Variants in PAK2 observed in about 807,000 individuals in gnomAD.
The protein encoded by PAK2 is serine/threonine-protein kinase PAK 2.
Under a neutral mutation model 65.9 loss-of-function variants are expected in PAK2, and 21 were observed. The ratio of observed to expected loss-of-function variants is 0.32; its 90% CI spans 0.23 to 0.46. The LOEUF (loss-of-function observed/expected upper bound fraction) is 0.46. Ranked by LOEUF, PAK2 falls within the 20% of genes least tolerant of loss-of-function variation. The pLI, the probability that PAK2 is intolerant of heterozygous loss-of-function variation, is 1.00. For synonymous variants in PAK2, 204 were observed against 219.7 expected, an observed-to-expected ratio of 0.93 and a Z score of 0.63; for missense variants, 324 against 642.6, an observed-to-expected ratio of 0.50 and a Z score of 5.36.
intron 4 of PAK2, among the ~76,000 whole-genome samples, chr3:196,804,597 A>G (rs1056826917): frequency 7.9e-5 from 12 of 151,922 alleles, no homozygotes; most frequent in African/African-American, 2.4e-4. Context: ...CCTCCTGAGT[A>G]GCTGAGATTA....
chr3:196,814,543 C>A lies in PAK2; in HGVS notation c.1028C>A (p.Ala343Glu). 4 of 1,461,866 alleles carry A rather than the reference C, an allele frequency of 2.7e-6. No homozygotes were observed. Among genetic ancestry groups the A allele is most frequent in the Non-Finnish European group, 2.9e-6 (3 of 1,044,874 alleles). The allele number at this position is 1,461,866 out of a possible 1,614,324, so 90.6% of individuals were successfully genotyped here. A position where few individuals can be genotyped will look rare whatever the true frequency, so the allele number is the denominator to read the frequency against. The stretch of plus-strand genomic sequence containing the variant: ...GTAACAGAAACGTGCATGGATGAAG[C>A]ACAGATTGCTGCTGTATGCAGAGAG... The part of the protein sequence containing the change: ...DVVTETCMDE[A>E]QIAAVCRECL... The change falls in exon 11 of 15, where the codon GCA becomes GAA. Residue 343 changes from alanine (A) to glutamate (E), a missense_variant. Coordinates refer to ENST00000327134, the MANE Select transcript of PAK2 (RefSeq NM_002577.4).
chr3:196,762,777 G>A lies in PAK2; in HGVS notation c.-21-19849G>A, dbSNP rs1366340351. ...GCCATTGCACTCCAGCCTGGGCAAC[G>A]AGAGTGAAACTCCGTCTCAAAAAAA... is the stretch of plus-strand genomic sequence containing the variant. On this transcript the variant is annotated intron_variant, in intron 1 of 14. Transcript: ENST00000327134. 5.4e-5 allele frequency among the ~76,000 whole-genome samples: 8 copies of A among 146,990 alleles called. No individual in the cohort carries two copies. In the South Asian group the frequency reaches 1.3e-3, roughly 24 times the overall value.
chr3:196,826,058 C>T (rs1233968734), intron 13 of PAK2, among the ~76,000 whole-genome samples: 1 of 151,618 alleles, frequency 6.6e-6, no homozygotes, highest in African/African-American at 2.4e-5. Flanking sequence ...TGCCATGTTG[C>T]CCAGCCTGGT....
rs1165930308 is a variant in PAK2 at position 196,745,806 on chromosome 3, T to A, written c.-22+5649T>A. Among the ~76,000 whole-genome samples the A allele has an allele frequency of 6.5e-5, 9 of 138,480 alleles. No homozygotes were observed. The Admixed American group carries it at 6.7e-4, about 10-fold the overall frequency. The allele number at this position is 138,480 out of a possible 152,430, so 90.8% of individuals were successfully genotyped here. ...TCCAGCCTGGGCAACAGAACGAGAC[T>A]CCATCTCTAAGTAAAAAAAAAAAAA... On this transcript the variant is annotated intron_variant, in intron 1 of 14. Transcript: ENST00000327134.
chr3:196,751,693 A>ATATATATATATATATATATATG (rs1713600141), intron 1 of PAK2, among the ~76,000 whole-genome samples: 1 of 48,826 alleles, frequency 2.0e-5, no homozygotes, highest in African/African-American at 1.1e-4. Context: ...ATATATATAT[A>ATATATATATATATATATATATG]TAATTCAGGC....
intron 13 of PAK2, among the ~76,000 whole-genome samples, chr3:196,826,876 G>A (rs1344865982): frequency 1.3e-5 from 2 of 151,874 alleles, no homozygotes; most frequent in African/African-American, 4.8e-5. Context: ...AGCCAAGATT[G>A]CACCACTGCA....
chr3:196,769,817 A>G (rs9826721), intron 1 of PAK2, among the ~76,000 whole-genome samples: 10 of 48,182 alleles, frequency 2.1e-4, no homozygotes, highest in Non-Finnish European at 3.5e-4. Flanking sequence ...ACTCTGTCTC[A>G]AAAAAGAAAA....
In PAK2 at chr3:196,767,543, C is replaced by T. The variant is rs531470135; in HGVS notation, c.-21-15083C>T. On this transcript the variant is annotated intron_variant, in intron 1 of 14. Coordinates refer to ENST00000327134, the MANE Select transcript of PAK2 (RefSeq NM_002577.4). ...TTGCTCTGTCACCCAGGCTGGAGTG[C>T]AGTGGCATGATCTTGGCTCACTGCA... Among the ~76,000 whole-genome samples, 45 of 152,184 alleles carry T rather than the reference C, an allele frequency of 3.0e-4. 1 individual carries two copies. In the South Asian group the frequency reaches 8.9e-3, roughly 30 times the overall value.
intron 2 of PAK2, among the ~76,000 whole-genome samples, chr3:196,789,816 T>A (rs919517905): frequency 6.6e-6 from 1 of 152,208 alleles, no homozygotes; most frequent in African/African-American, 2.4e-5. Flanking sequence ...GGTATGAAAC[T>A]CTTCCACCTC....
intron 1 of PAK2, among the ~76,000 whole-genome samples, chr3:196,747,652 TAC>T (rs1713435359): frequency 1.3e-5 from 2 of 152,330 alleles, no homozygotes; most frequent in African/African-American, 4.8e-5. Context: ...GTTGGTAATA[TAC>T]AGAGTTTTAT....
At chr3:196,778,586 C>A (rs578015721) in intron 1 of PAK2, among the ~76,000 whole-genome samples, 25 of 152,266 alleles carry the variant, frequency 1.6e-4, no homozygotes, top group Admixed American at 2.0e-4. Context: ...CTTACATAAC[C>A]GTGATACGTA....
At position 196,812,820 on chromosome 3, in the gene PAK2, A is replaced by G. The variant is rs778790586; in HGVS notation, c.904A>G (p.Lys302Glu). 3 of 1,542,784 alleles carry G rather than the reference A, an allele frequency of 1.9e-6. No individual in the cohort carries two copies. Among genetic ancestry groups the G allele is most frequent in the Admixed American group, 3.4e-5 (2 of 59,678 alleles). The change falls in exon 10 of 15, where the codon AAA becomes GAA. Residue 302 changes from lysine (K) to glutamate (E), a missense_variant. Coordinates refer to ENST00000327134, the MANE Select transcript of PAK2 (RefSeq NM_002577.4). ...INEILVMKEL[K>E]NPNIVNFLDS... is the part of the protein sequence containing the mutation. ...CGAGATTCTGGTGATGAAAGAATTG[A>G]AAAATCCCAACATCGTTAACTTTTT...
chr3:196,753,836 C>G (rs984785584), intron 1 of PAK2, among the ~76,000 whole-genome samples: 7 of 152,232 alleles, frequency 4.6e-5, no homozygotes, highest in African/African-American at 1.4e-4. Context: ...TACATGTTCA[C>G]TAATGTTGCC....
At chr3:196,767,849 T>C (rs1295530675) in intron 1 of PAK2, among the ~76,000 whole-genome samples, 1 of 152,128 alleles carries the variant, frequency 6.6e-6, no homozygotes, top group Non-Finnish European at 1.5e-5. Flanking sequence ...AAAGCCATTA[T>C]GCAGTGACCA....
intron 8 of PAK2, among the ~76,000 whole-genome samples, chr3:196,812,003 A>G (rs764321080): frequency 4.6e-5 from 7 of 152,064 alleles, no homozygotes; most frequent in Non-Finnish European, 8.8e-5. Context: ...ACATTTTTGT[A>G]GGTCTGAAAT....
chr3:196,788,754 C>CA (rs1714975945), intron 2 of PAK2, among the ~76,000 whole-genome samples: 1 of 152,168 alleles, frequency 6.6e-6, no homozygotes, highest in Non-Finnish European at 1.5e-5. Context: ...ACGATAGTTA[C>CA]AAAGTGTGTT....
In PAK2 at chr3:196,820,684, C is replaced by T; in HGVS notation, c.1350+117C>T. On this transcript the variant is annotated intron_variant, in intron 13 of 14. Coordinates refer to ENST00000327134, the MANE Select transcript of PAK2 (RefSeq NM_002577.4). The surrounding 1 kb of genome is among the most constrained non-coding windows in gnomAD (Gnocchi z 4.6). The stretch of plus-strand genomic sequence containing the variant: ...AAGTAGAAGGTTGATAAAACCTAAT[C>T]TCTGCCCCTAACTCTGCATCTAGAA... 1 of 513,292 alleles carries T rather than the reference C, an allele frequency of 1.9e-6. No individual in the cohort carries two copies. 31.8% of individuals were successfully genotyped at this position (513,292 alleles called of 1,614,324 possible).
chr3:196,788,087 T>C (rs1276849199), intron 2 of PAK2, among the ~76,000 whole-genome samples: 1 of 152,242 alleles, frequency 6.6e-6, no homozygotes, highest in South Asian at 2.1e-4. Context: ...TAACTGCTGC[T>C]TCTCTCGCTA....
At chr3:196,795,427 A>G (rs1264338891) in intron 2 of PAK2, among the ~76,000 whole-genome samples, 1 of 152,166 alleles carries the variant, frequency 6.6e-6, no homozygotes, top group Non-Finnish European at 1.5e-5. Flanking sequence ...AGATCGCACC[A>G]CTGCACTCCG....
Sources: allele counts gnomAD v4.1 joint callset (sites outside exome capture counted in the v4.1 genomes callset), GRCh38; gene constraint gnomAD v4.1.1; non-coding constraint Gnocchi (gnomAD v3.1); transcripts MANE v1.5; gene names NCBI Gene and HGNC (gene_info 2026-07-23, HGNC 2026-07-21).